GALNT9: variants seen among roughly 807,000 people sequenced by gnomAD.
GALNT9 encodes GalNAc transferase 9.
A neutral mutation model predicts 63.1 loss-of-function variants in GALNT9; 47 were observed. The ratio of observed to expected loss-of-function variants is 0.75; its 90% confidence interval spans 0.59 to 0.95. The LOEUF (loss-of-function observed/expected upper bound fraction) is 0.95. GALNT9 is among the 40% of genes least tolerant of loss of function. The pLI is 0.00. For synonymous variants in GALNT9, 396 were observed against 365.7 expected, an observed-to-expected ratio of 1.08 and a Z score of -0.94; for missense variants, 829 against 874.8, an observed-to-expected ratio of 0.95 and a Z score of 0.66.
intron 6 of GALNT9, among the ~76,000 whole-genome samples, chr12:132,219,838 A>T (rs1384568298): frequency 2.8e-5 from 4 of 144,406 alleles, no homozygotes; most frequent in Non-Finnish European, 6.0e-5. Context: ...GGGAAGGGGC[A>T]CCTCCCCAGG....
intron 2 of GALNT9, among the ~76,000 whole-genome samples, chr12:132,270,513 A>C (rs1879825216): frequency 6.6e-6 from 1 of 152,260 alleles, no homozygotes. Flanking sequence ...TTCACGCGTT[A>C]GCTCTTGCGT....
Position 132,238,105 on chromosome 12 carries a change from A to G in GALNT9, c.1077+9805T>C, listed in dbSNP as rs2136895819. Reference sequence around the variant, plus strand: ...GTGGCTGCCGTCCGCCACGAATTCCACAGCTCGGTGGCTTGAAGGACATAG... The same window carrying G: ...GTGGCTGCCGTCCGCCACGAATTCCGCAGCTCGGTGGCTTGAAGGACATAG... On this transcript the variant is annotated intron_variant, in intron 6 of 10. Coordinates refer to ENST00000328957, the MANE Select transcript of GALNT9 (RefSeq NM_001122636.2). The surrounding 1 kb of genome is among the most constrained non-coding windows in gnomAD (Gnocchi z 6.5). Among the ~76,000 whole-genome samples the G allele has an allele frequency of 1.3e-5, 2 of 152,260 alleles. No individual in the cohort carries two copies. The highest frequency in any genetic ancestry group is 3.9e-4 in the East Asian group (2 of 5,172).
intron 1 of GALNT9, among the ~76,000 whole-genome samples, chr12:132,324,777 T>C (rs1035905238): frequency 2.3e-4 from 35 of 149,910 alleles, no homozygotes; most frequent in Non-Finnish European, 2.1e-4. Flanking sequence ...TTCAGCCAGG[T>C]CTTCACTGGT....
At chr12:132,198,157 G>A (rs11246985) in intron 9 of GALNT9, among the ~76,000 whole-genome samples, 198 bp from the exon 10 acceptor site, 101,541 of 152,158 alleles carry the variant, frequency 0.67, 34,320 homozygotes, top group Non-Finnish European at 0.72. Flanking sequence ...GCTGGACGGC[G>A]CCCAAATGCT....
intron 6 of GALNT9, among the ~76,000 whole-genome samples, chr12:132,209,712 T>C (rs1261401771): frequency 6.6e-6 from 1 of 152,166 alleles, no homozygotes; most frequent in African/African-American, 2.4e-5. Context: ...ACAGATGCCA[T>C]GGGAACGTCA....
Position 132,282,767 on chromosome 12 carries a change from A to ACG in GALNT9, c.419+3481_419+3482dup, listed in dbSNP as rs1880412026. The ACG allele has an allele frequency of 6.6e-6, 1 of 151,858 alleles. No homozygotes were observed. 9.4% of individuals were successfully genotyped at this position (151,858 alleles called of 1,614,324 possible). On this transcript the variant is annotated intron_variant, in intron 2 of 10. Coordinates refer to ENST00000328957, the MANE Select transcript of GALNT9 (RefSeq NM_001122636.2). The surrounding 1 kb of genome is among the most constrained non-coding windows in gnomAD (Gnocchi z 4.5). The stretch of plus-strand genomic sequence containing the variant: ...AACCCCTAGGTCTGGGGTGACCTTC[A>ACG]CGCTCTGACTGGTTTAGACCTGGGC...
chr12:132,225,858 C>G (rs1475886419), intron 6 of GALNT9, among the ~76,000 whole-genome samples: 3 of 126,590 alleles, frequency 2.4e-5, no homozygotes, highest in Non-Finnish European at 5.1e-5. Context: ...ACCCCACACA[C>G]TGTGTATACA....
At chr12:132,260,807 T>C in intron 4 of GALNT9, 141 bp downstream of exon 4, 1 of 1,227,700 alleles carries the variant, frequency 8.1e-7, no homozygotes. Context: ...TGGCTCTCAG[T>C]CCCAGATCCT....
chr12:132,275,380 C>T (rs1388882401), intron 2 of GALNT9: 2 of 152,368 alleles, frequency 1.3e-5, no homozygotes, highest in Non-Finnish European at 2.9e-5. Flanking sequence ...TGGCTGGGCT[C>T]CGGGAGACAG....
At chr12:132,305,689 G>A (rs1414934771) in intron 1 of GALNT9, among the ~76,000 whole-genome samples, 1 of 152,028 alleles carries the variant, frequency 6.6e-6, no homozygotes, top group Non-Finnish European at 1.5e-5. Flanking sequence ...CCTCACCTGG[G>A]TACATCCTCG....
At chr12:132,284,773 G>C (rs1398029521) in intron 2 of GALNT9, among the ~76,000 whole-genome samples, 3 of 152,222 alleles carry the variant, frequency 2.0e-5, no homozygotes, top group Non-Finnish European at 4.4e-5. Context: ...CCTAGAATCA[G>C]TCCCCAGCAC....
At position 132,296,854 on chromosome 12, in the gene GALNT9, T is replaced by C. The variant is rs1593111648; in HGVS notation, c.239-10424A>G. ...CATTGGGGGCTGGGCGGGGGGAGGG[T>C]GGAACTCTTCCTTCCATCAGGAGCC... On this transcript the variant is annotated intron_variant, in intron 1 of 10. Transcript: ENST00000328957. The surrounding 1 kb of genome is among the most constrained non-coding windows in gnomAD (Gnocchi z 4.2). Among the ~76,000 whole-genome samples the C allele has an allele frequency of 6.7e-6, 1 of 149,304 alleles. No homozygotes were observed. Among genetic ancestry groups the C allele is most frequent in the South Asian group, 2.2e-4 (1 of 4,562 alleles).
At chr12:132,314,156 T>A (rs28499397) in intron 1 of GALNT9, among the ~76,000 whole-genome samples, 4 of 40,746 alleles carry the variant, frequency 9.8e-5, no homozygotes, top group Admixed American at 3.4e-4. Context: ...CCACCCACCC[T>A]TCCATCCACC....
Position 132,286,904 on chromosome 12 carries a change from G to C in GALNT9, c.239-474C>G, listed in dbSNP as rs560923406. Among the ~76,000 whole-genome samples the C allele has an allele frequency of 6.6e-6, 1 of 150,862 alleles. No homozygotes were observed. The highest frequency in any genetic ancestry group is 6.6e-5 in the Admixed American group (1 of 15,114). ...TTTTTAGTGGAGACAGGGTTTCACC[G>C]TGTTGGTCAGGCTGGTCTTGAACTC... is the stretch of plus-strand genomic sequence containing the variant. On this transcript the variant is annotated intron_variant, in intron 1 of 10. Coordinates refer to ENST00000328957, the MANE Select transcript of GALNT9 (RefSeq NM_001122636.2). This position sits in a 1 kb window ranked among gnomAD's most constrained non-coding sequence, Gnocchi z 7.4.
chr12:132,320,217 A>G (rs1050024899), intron 1 of GALNT9, among the ~76,000 whole-genome samples: 1 of 98,244 alleles, frequency 1.0e-5, no homozygotes, highest in Non-Finnish European at 2.1e-5. Flanking sequence ...TTTTATTTTT[A>G]TTTGTTGTTG....
At chr12:132,304,925 ACCCTCACCCAGACACG>A (rs1336736491) in intron 1 of GALNT9, among the ~76,000 whole-genome samples, 414 of 28,294 alleles carry the variant, frequency 0.015, 74 homozygotes, top group Non-Finnish European at 0.021. Context: ...ACCGGGGCAC[ACCCTCACCCAGACACG>A]CCCTCACCCA....
chr12:132,261,789 C>T (rs1033307434), intron 3 of GALNT9, among the ~76,000 whole-genome samples: 2 of 152,234 alleles, frequency 1.3e-5, no homozygotes, highest in Non-Finnish European at 2.9e-5. Flanking sequence ...CTCTGCTCTG[C>T]GCCTGGGAAG....
At chr12:132,247,645 T>A in intron 6 of GALNT9, 17 of 314,196 alleles carry the variant, frequency 5.4e-5, no homozygotes, top group East Asian at 8.5e-5. Flanking sequence ...CCAGACGCCA[T>A]GGCCGCACTC....
intron 6 of GALNT9, among the ~76,000 whole-genome samples, chr12:132,222,468 C>T (rs1436232452): frequency 6.6e-6 from 1 of 152,102 alleles, no homozygotes; most frequent in Non-Finnish European, 1.5e-5. Context: ...AAAAACTCAA[C>T]ACCATAAAAT....
Sources: allele counts gnomAD v4.1 joint callset (sites outside exome capture counted in the v4.1 genomes callset), GRCh38; gene constraint gnomAD v4.1.1; non-coding constraint Gnocchi (gnomAD v3.1); transcripts MANE v1.5; gene names NCBI Gene and HGNC (gene_info 2026-07-23, HGNC 2026-07-21).